LRRC4C: variants seen among roughly 807,000 people sequenced by gnomAD.
LRRC4C encodes the protein leucine rich repeat containing 4C.
LRRC4C carries 5 observed loss-of-function variants against 33.6 expected under a neutral mutation model. The observed-to-expected ratio is 0.15, with a 90% CI of 0.08 to 0.31. LRRC4C has a LOEUF of 0.31. LRRC4C is among the 10% of genes least tolerant of loss of function. The pLI is 1.00. For synonymous variants in LRRC4C, 329 were observed against 302.0 expected, an observed-to-expected ratio of 1.09 and a Z score of -0.93; for missense variants, 560 against 796.7, an observed-to-expected ratio of 0.70 and a Z score of 3.58.
At chr11:40,593,665 T>A (rs1207596139) in intron 3 of LRRC4C, among the ~76,000 whole-genome samples, 5 of 152,162 alleles carry the variant, frequency 3.3e-5, no homozygotes, top group Admixed American at 3.3e-4. Context: ...AGTTTTTCCA[T>A]CTGGCAAAGT....
rs140129765 is a variant in LRRC4C at position 40,160,970 on chromosome 11, G to A, written c.-95-20117C>T. On this transcript the variant is annotated intron_variant, in intron 5 of 6. Transcript: ENST00000528697. ...TCCCACCCAAAATTGAGCCTGTGTT[G>A]GGAAAGGCAGGAATCTTAATATCAG... 3.9e-5 allele frequency among the ~76,000 whole-genome samples: 6 copies of A among 152,220 alleles called. No individual in the cohort carries two copies. In the East Asian group the frequency reaches 9.7e-4, roughly 25 times the overall value.
chr11:40,699,426 T>A (rs1945755370), intron 2 of LRRC4C, among the ~76,000 whole-genome samples: 1 of 152,142 alleles, frequency 6.6e-6, no homozygotes. Context: ...GCTAACCCAG[T>A]TTATCATGTC....
chr11:41,068,316 C>T (rs1000730587), intron 1 of LRRC4C, among the ~76,000 whole-genome samples: 22 of 152,146 alleles, frequency 1.4e-4, no homozygotes, highest in East Asian at 1.4e-3. Flanking sequence ...TCACTTGAAC[C>T]GGGGAGGTGG....
intron 4 of LRRC4C, among the ~76,000 whole-genome samples, chr11:40,301,716 A>C (rs1944781807): frequency 6.6e-6 from 1 of 152,234 alleles, no homozygotes; most frequent in Admixed American, 6.5e-5. Context: ...ATGAAGGCAT[A>C]GATTTCAAAA....
rs771334655 is a variant in LRRC4C at position 40,254,414 on chromosome 11, A to T, written c.-175-12816T>A. 3.3e-4 allele frequency among the ~76,000 whole-genome samples: 51 copies of T among 152,334 alleles called. No individual in the cohort carries two copies. The Middle Eastern group carries it at 0.02, about 61-fold the overall frequency. ...AAAGCTAGACAGCAGAATTTCAGCC[A>T]CGTGCTGCTCACTTGTACATTTCTC... is the stretch of plus-strand genomic sequence containing the variant. On this transcript the variant is annotated intron_variant, in intron 4 of 6. Transcript: ENST00000528697.
In LRRC4C at chr11:40,673,940, G is replaced by A. The variant is rs77673402; in HGVS notation, c.-406-25662C>T. On this transcript the variant is annotated intron_variant, in intron 2 of 6. Coordinates refer to ENST00000528697, the MANE Select transcript of LRRC4C (RefSeq NM_001258419.2). ...CACCATTGTATATTCATGAACCATC[G>A]CTTTCTTGAGTGTAATCTGATAGGT... 9.3e-3 allele frequency among the ~76,000 whole-genome samples: 1,416 copies of A among 152,218 alleles called. 21 individuals are homozygous for A. Among genetic ancestry groups the A allele is most frequent in the African/African-American group, 0.031 (1,302 of 41,530 alleles).
chr11:40,999,468 T>C (rs909226676), intron 1 of LRRC4C, among the ~76,000 whole-genome samples: 93 of 152,310 alleles, frequency 6.1e-4, no homozygotes, highest in Non-Finnish European at 4.7e-4. Flanking sequence ...TGTTTTTGTC[T>C]TAGCTCAAAT....
intron 3 of LRRC4C, among the ~76,000 whole-genome samples, chr11:40,333,030 T>C (rs115814248): frequency 9.6e-4 from 146 of 152,288 alleles, no homozygotes; most frequent in African/African-American, 3.3e-3. Context: ...ACTGAGCAAA[T>C]AGGTGCACTT....
chr11:41,061,270 A>G (rs1211098268), intron 1 of LRRC4C, among the ~76,000 whole-genome samples: 1 of 152,168 alleles, frequency 6.6e-6, no homozygotes, highest in Non-Finnish European at 1.5e-5. Context: ...ACTCTTATTG[A>G]TAACAGAATT....
At chr11:40,394,452 G>A (rs1467285221) in intron 3 of LRRC4C, among the ~76,000 whole-genome samples, 1 of 152,150 alleles carries the variant, frequency 6.6e-6, no homozygotes, top group Non-Finnish European at 1.5e-5. Context: ...CCTTTTGAGA[G>A]TGACTTGTTC....
At chr11:41,258,936 C>T (rs7939172) in intron 1 of LRRC4C, among the ~76,000 whole-genome samples, 19,724 of 151,960 alleles carry the variant, frequency 0.13, 1,420 homozygotes, top group Middle Eastern at 0.25. Context: ...AACATACTTC[C>T]CACTTTTTGC....
intron 2 of LRRC4C, among the ~76,000 whole-genome samples, chr11:40,744,905 G>A (rs1037172987): frequency 1.3e-4 from 20 of 152,060 alleles, no homozygotes; most frequent in African/African-American, 3.9e-4. Context: ...GATGTATATC[G>A]ATTACCAACT....
rs117285951 is a variant in LRRC4C, at chr11:41,431,370, A to G, written c.-496+28061T>C. ...AGAAAGTTAATTTTTAATAAAAGAG[A>G]TGGAGAAAGAGATCTTCCTTCCTTA... On this transcript the variant is annotated intron_variant, in intron 1 of 6. Transcript: ENST00000528697. 9.7e-3 allele frequency among the ~76,000 whole-genome samples: 1,467 copies of G among 151,968 alleles called. 13 individuals carry two copies. Among genetic ancestry groups the G allele is most frequent in the Non-Finnish European group, 0.016 (1,102 of 67,928 alleles).
intron 2 of LRRC4C, among the ~76,000 whole-genome samples, chr11:40,696,495 T>C (rs1945540072): frequency 6.7e-6 from 1 of 148,878 alleles, no homozygotes; most frequent in Non-Finnish European, 1.5e-5. Context: ...ATTTATACAC[T>C]CATAATGTAT....
intron 3 of LRRC4C, among the ~76,000 whole-genome samples, chr11:40,343,144 C>G (rs1364236810): frequency 6.6e-6 from 1 of 152,012 alleles, no homozygotes; most frequent in Non-Finnish European, 1.5e-5. Flanking sequence ...GACTCACTAC[C>G]ATTGGAAATT....
intron 1 of LRRC4C, among the ~76,000 whole-genome samples, chr11:41,003,682 G>A (rs572641218): frequency 6.6e-6 from 1 of 151,646 alleles, no homozygotes; most frequent in African/African-American, 2.4e-5. Flanking sequence ...ATAGTTTCAA[G>A]GGAGAGAAGA....
At chr11:40,216,340 T>C (rs1863976879) in intron 5 of LRRC4C, among the ~76,000 whole-genome samples, 1 of 152,180 alleles carries the variant, frequency 6.6e-6, no homozygotes, top group Non-Finnish European at 1.5e-5. Context: ...GTACTGTGAC[T>C]TTCATATTTG....
At chr11:40,636,786 C>T (rs12798203) in intron 3 of LRRC4C, among the ~76,000 whole-genome samples, 29,631 of 152,072 alleles carry the variant, frequency 0.19, 3,392 homozygotes, top group East Asian at 0.47. Context: ...ATGAAAATGT[C>T]CACAGTCATT....
intron 2 of LRRC4C, among the ~76,000 whole-genome samples, chr11:40,916,389 C>T (rs982075475): frequency 6.6e-6 from 1 of 152,148 alleles, no homozygotes; most frequent in Non-Finnish European, 1.5e-5. Flanking sequence ...GAGTTCATGT[C>T]CTTTGTAGGG....
Sources: gnomAD v4.1 joint callset for allele counts (sites outside exome capture counted in the v4.1 genomes callset) on GRCh38, gnomAD v4.1.1 for gene constraint, MANE v1.5 for transcripts, NCBI Gene and HGNC (gene_info 2026-07-23, HGNC 2026-07-21) for gene names.